Variants in TRMT9B observed in about 807,000 individuals in gnomAD.
TRMT9B encodes the protein probable tRNA methyltransferase 9B.
A neutral mutation model predicts 11.5 loss-of-function variants in TRMT9B; 16 were observed. That is an observed-to-expected ratio of 1.39 (90% confidence interval 0.94 to 2.11). The LOEUF is 2.11. Among genes scored for constraint, TRMT9B ranks in the 30% most tolerant of loss-of-function variants. The pLI is 0.00. For synonymous variants in TRMT9B, 274 were observed against 192.4 expected, an observed-to-expected ratio of 1.42 and a Z score of -3.51; for missense variants, 941 against 553.8, an observed-to-expected ratio of 1.70 and a Z score of -7.02.
chr8:12,963,530 G>T (rs573597031), intron 1 of TRMT9B, among the ~76,000 whole-genome samples: 5 of 152,074 alleles, frequency 3.3e-5, no homozygotes, highest in Admixed American at 2.0e-4. Flanking sequence ...TAGGCAGATC[G>T]CTTGAGCCCA....
chr8:13,027,715 G>A lies in TRMT9B; in HGVS notation c.*5671G>A, dbSNP rs571781160. 6.6e-5 allele frequency: 11 copies of A among 167,090 alleles called. No individual in the cohort carries two copies. Among genetic ancestry groups the A allele is most frequent in the East Asian group, 3.9e-4 (2 of 5,176 alleles). The allele number at this position is 167,090 out of a possible 1,614,324, so 10.4% of individuals were successfully genotyped here. ...AATCTTTCTCCAAAGAAAAATGCAC[G>A]ATACAGGCTTCATTCTATCAAGAGG... is the stretch of plus-strand genomic sequence containing the variant. On this transcript the variant is annotated 3_prime_UTR_variant, in exon 5 of 5. Coordinates refer to ENST00000524591, the MANE Select transcript of TRMT9B (RefSeq NM_020844.3).
intron 2 of TRMT9B, among the ~76,000 whole-genome samples, chr8:12,998,843 G>C (rs1000301550): frequency 6.6e-6 from 1 of 152,178 alleles, no homozygotes; most frequent in Non-Finnish European, 1.5e-5. Flanking sequence ...TAGCTTTCCA[G>C]TGATCATTAA....
intron 3 of TRMT9B, chr8:13,010,410 T>C (rs1385394789): frequency 2.2e-5 from 22 of 984,252 alleles, no homozygotes; most frequent in Non-Finnish European, 2.7e-5. Flanking sequence ...ATGACTGTCC[T>C]CTAAAGGAAA....
intron 1 of TRMT9B, among the ~76,000 whole-genome samples, chr8:12,946,472 T>C (rs550742582): frequency 4.5e-4 from 68 of 152,216 alleles, no homozygotes; most frequent in Admixed American, 9.8e-4. Flanking sequence ...GCCAGGTGAC[T>C]GGGAGGACGG....
intron 1 of TRMT9B, among the ~76,000 whole-genome samples, chr8:12,969,058 A>G (rs1803215815): frequency 6.6e-6 from 1 of 152,156 alleles, no homozygotes; most frequent in African/African-American, 2.4e-5. Context: ...CTAATAATAG[A>G]AAATATTGGC....
intron 1 of TRMT9B, among the ~76,000 whole-genome samples, chr8:12,968,551 A>G (rs755547202): frequency 6.6e-6 from 1 of 152,180 alleles, no homozygotes; most frequent in Non-Finnish European, 1.5e-5. Context: ...ATGGAATGCA[A>G]TCAGGTTAAC....
At chr8:12,978,383 A>G (rs911802335) in intron 1 of TRMT9B, among the ~76,000 whole-genome samples, 1 of 152,144 alleles carries the variant, frequency 6.6e-6, no homozygotes, top group African/African-American at 2.4e-5. Flanking sequence ...ACCTGGCAAC[A>G]TATTTTCCAA....
chr8:12,956,299 G>A (rs971444474), intron 1 of TRMT9B, among the ~76,000 whole-genome samples: 9 of 152,100 alleles, frequency 5.9e-5, no homozygotes, highest in African/African-American at 2.2e-4. Context: ...TTTAAAATTG[G>A]TAGAGATTGA....
intron 1 of TRMT9B, 91 bp from the exon 2 acceptor site, chr8:12,990,743 A>T: frequency 1.4e-6 from 1 of 700,220 alleles, no homozygotes; most frequent in African/African-American, 1.9e-5. Flanking sequence ...TGGGTAATTT[A>T]TGCATAGGTC....
rs768068112 is a variant in TRMT9B, at chr8:13,021,239, G to T, written c.560G>T (p.Gly187Val). 2 of 1,613,942 alleles carry T rather than the reference G, an allele frequency of 1.2e-6. No homozygotes were observed. The highest frequency in any genetic ancestry group is 1.7e-6 in the Non-Finnish European group (2 of 1,179,870). Residue 187 changes from glycine to valine, a missense_variant, in exon 5 of 5, where the codon GGC becomes GTC. By Grantham distance (109) the Gly-to-Val change is moderately radical. Coordinates refer to ENST00000524591, the MANE Select transcript of TRMT9B (RefSeq NM_020844.3). ...AGGCAGTGTGGATACCCAGAAAGAG[G>T]CCATCCCTACCATCCTCCTTGCTCT... is the stretch of plus-strand genomic sequence containing the variant. ...RKRQCGYPER[G>V]HPYHPPCSEC...
intron 1 of TRMT9B, among the ~76,000 whole-genome samples, chr8:12,965,615 T>A (rs1266736409): frequency 8.6e-6 from 1 of 116,734 alleles, no homozygotes; most frequent in African/African-American, 3.6e-5. Context: ...AGTTGTCTGA[T>A]TTTTTTTTTT....
intron 4 of TRMT9B, among the ~76,000 whole-genome samples, chr8:13,015,828 A>T (rs530791737): frequency 6.6e-6 from 1 of 152,146 alleles, no homozygotes; most frequent in Non-Finnish European, 1.5e-5. Context: ...AAAATGGAGC[A>T]CACCTAGTTA....
rs549295596 is a variant in TRMT9B, at chr8:13,027,364, A to G, written c.*5320A>G. 2.4e-5 allele frequency: 4 copies of G among 167,216 alleles called. No individual in the cohort carries two copies. The highest frequency in any genetic ancestry group is 9.6e-5 in the African/African-American group (4 of 41,590). 10.4% of individuals were successfully genotyped at this position (167,216 alleles called of 1,614,324 possible). ...CCTCCCTTAGAGAATCATGATGCATATTAGCATATTTAAGGAGTACCCTAA... is the reference window on the plus strand; with the variant it reads ...CCTCCCTTAGAGAATCATGATGCATGTTAGCATATTTAAGGAGTACCCTAA... On this transcript the variant is annotated 3_prime_UTR_variant, in exon 5 of 5. Coordinates refer to ENST00000524591, the MANE Select transcript of TRMT9B (RefSeq NM_020844.3).
chr8:13,029,184 TTTTG>T lies in TRMT9B; in HGVS notation c.*7160_*7163del, dbSNP rs59943848. 3,747 of 166,534 alleles carry T rather than the reference TTTTG, an allele frequency of 0.022. 86 individuals are homozygous for T. The highest frequency in any genetic ancestry group is 0.053 in the African/African-American group (2,210 of 41,384). The allele number at this position is 166,534 out of a possible 1,614,324, so 10.3% of individuals were successfully genotyped here. On this transcript the variant is annotated 3_prime_UTR_variant, in exon 5 of 5. Coordinates refer to ENST00000524591, the MANE Select transcript of TRMT9B (RefSeq NM_020844.3). ...AAATGTATTTCATTGAATAAATAGC[TTTTG>T]TTTGTTTGTTTGTTTGTTTCAGGGA...
At chr8:13,019,214 G>A (rs1285943331) in intron 4 of TRMT9B, among the ~76,000 whole-genome samples, 1 of 152,214 alleles carries the variant, frequency 6.6e-6, no homozygotes, top group Non-Finnish European at 1.5e-5. Context: ...TACACCCATA[G>A]AAGACGCTCT....
intron 1 of TRMT9B, among the ~76,000 whole-genome samples, chr8:12,966,456 G>A (rs1012163269): frequency 6.6e-6 from 1 of 152,050 alleles, no homozygotes; most frequent in South Asian, 2.1e-4. Flanking sequence ...AGACATTGCT[G>A]TTCTGTAATA....
intron 1 of TRMT9B, among the ~76,000 whole-genome samples, chr8:12,973,402 A>G (rs1435835259): frequency 6.6e-6 from 1 of 152,232 alleles, no homozygotes; most frequent in Non-Finnish European, 1.5e-5. Flanking sequence ...GATATGTGCC[A>G]CTGCAGATGA....
chr8:13,026,256 C>G lies in TRMT9B; in HGVS notation c.*4212C>G, dbSNP rs1814671587. The G allele has an allele frequency of 6.0e-6, 1 of 167,078 alleles. No individual in the cohort carries two copies. The highest frequency in any genetic ancestry group is 2.1e-4 in the South Asian group (1 of 4,830). 10.3% of individuals were successfully genotyped at this position (167,078 alleles called of 1,614,324 possible). ...ATAGCTGTGAACTTTTCTAAATATG[C>G]AACATTCAACTATCGCAAGGACAAA... is the stretch of plus-strand genomic sequence containing the variant. On this transcript the variant is annotated 3_prime_UTR_variant, in exon 5 of 5. Transcript: ENST00000524591.
chr8:12,987,562 C>T (rs13259966), intron 1 of TRMT9B, among the ~76,000 whole-genome samples: 7,212 of 152,014 alleles, frequency 0.047, 215 homozygotes, highest in South Asian at 0.093. Flanking sequence ...TGGTGGTACA[C>T]GCCTATAGTC....
Sources: allele counts gnomAD v4.1 joint callset (sites outside exome capture counted in the v4.1 genomes callset), GRCh38; gene constraint gnomAD v4.1.1; transcripts MANE v1.5; gene names NCBI Gene and HGNC (gene_info 2026-07-23, HGNC 2026-07-21).